CDK19: variants seen among roughly 807,000 people sequenced by gnomAD.
CDK19 encodes the protein cyclin dependent kinase 19, also known as cyclin-dependent kinase 19.
In CDK19, 20 loss-of-function variants were observed where a neutral mutation model predicts 68.3. The ratio of observed to expected loss-of-function variants is 0.29; its 90% CI spans 0.21 to 0.43. The LOEUF (loss-of-function observed/expected upper bound fraction) is 0.43. Ranked by LOEUF, CDK19 falls within the 20% of genes least tolerant of loss-of-function variation. The pLI, the probability that CDK19 is intolerant of heterozygous loss-of-function variation, is 1.00. For synonymous variants in CDK19, 221 were observed against 222.8 expected (o/e 0.99, Z 0.07); for missense variants, 339 against 623.5 (o/e 0.54, Z 4.86).
intron 2 of CDK19, chr6:110,700,862 C>T (rs1452217225): frequency 2.2e-5 from 4 of 178,042 alleles, no homozygotes; most frequent in Non-Finnish European, 4.9e-5. Context: ...CAGTGTTGCG[C>T]CAGGAATCGA....
In CDK19 at chr6:110,698,945, T is replaced by A. The variant is rs906361814; in HGVS notation, c.205-28404A>T. 2.9e-4 allele frequency among the ~76,000 whole-genome samples: 44 copies of A among 151,174 alleles called. 1 individual carries two copies. Among genetic ancestry groups the A allele is most frequent in the Admixed American group, 2.6e-3 (40 of 15,166 alleles). On this transcript the variant is annotated intron_variant, in intron 2 of 12. Coordinates refer to ENST00000368911, the MANE Select transcript of CDK19 (RefSeq NM_015076.5). ...AGGCATAGTGGCACATACCTGTATG[T>A]TAGGGGGTTGAGGTGGGAGGATTGC... is the stretch of plus-strand genomic sequence containing the variant.
At chr6:110,761,151 T>C (rs1057503986) in intron 1 of CDK19, among the ~76,000 whole-genome samples, 2 of 152,104 alleles carry the variant, frequency 1.3e-5, no homozygotes, top group Non-Finnish European at 2.9e-5. Flanking sequence ...TCTCATTTTG[T>C]TGCCCAGGCT....
intron 1 of CDK19, among the ~76,000 whole-genome samples, chr6:110,778,404 T>C (rs1475555751): frequency 6.6e-6 from 1 of 152,212 alleles, no homozygotes. Flanking sequence ...AGTCTTTTAA[T>C]TCAAAGGTTA....
intron 2 of CDK19, among the ~76,000 whole-genome samples, chr6:110,672,844 A>G (rs1044824022): frequency 6.6e-6 from 1 of 152,184 alleles, no homozygotes; most frequent in African/African-American, 2.4e-5. Context: ...AAAAAAATAA[A>G]AATAATATTT....
At chr6:110,742,461 T>C (rs982291941) in intron 2 of CDK19, among the ~76,000 whole-genome samples, 1 of 152,150 alleles carries the variant, frequency 6.6e-6, no homozygotes, top group African/African-American at 2.4e-5. Context: ...ATAACAGTGA[T>C]TTTCAGGGAA....
intron 4 of CDK19, chr6:110,643,423 T>C (rs1582757997): frequency 1.5e-5 from 4 of 272,598 alleles, no homozygotes; most frequent in South Asian, 1.0e-4. Flanking sequence ...CTGGAGATCA[T>C]CACATTAAAT....
chr6:110,773,343 CAAA>C (rs1038366551), intron 1 of CDK19, among the ~76,000 whole-genome samples: 3 of 86,126 alleles, frequency 3.5e-5, no homozygotes, highest in Non-Finnish European at 2.4e-5. Flanking sequence ...GACTCTGTCT[CAAA>C]AAAAAAAAAA....
intron 2 of CDK19, among the ~76,000 whole-genome samples, chr6:110,679,316 T>C (rs567115847): frequency 7.3e-6 from 1 of 137,090 alleles, no homozygotes; most frequent in African/African-American, 2.7e-5. Flanking sequence ...ACCCTGTCTC[T>C]AAAAAAAAAA....
Position 110,621,010 on chromosome 6 carries a change from G to T in CDK19, c.1377+94C>A. The stretch of plus-strand genomic sequence containing the variant: ...TAGAAACAGGATTGCACAGTCAAAT[G>T]TAAGAGTTAAGTGTTACTTAACTCT... On this transcript the variant is annotated intron_variant, in intron 12 of 12. Coordinates refer to ENST00000368911, the MANE Select transcript of CDK19 (RefSeq NM_015076.5). This position sits in a 1 kb window ranked among gnomAD's most constrained non-coding sequence, Gnocchi z 5.4. The T allele has an allele frequency of 8.4e-7, 1 of 1,184,226 alleles. No homozygotes were observed. Among genetic ancestry groups the T allele is most frequent in the Non-Finnish European group, 1.2e-6 (1 of 842,302 alleles). The allele number at this position is 1,184,226 out of a possible 1,614,324, so 73.4% of individuals were successfully genotyped here.
chr6:110,663,041 T>C (rs1193298011), intron 4 of CDK19, among the ~76,000 whole-genome samples: 1 of 152,206 alleles, frequency 6.6e-6, no homozygotes, highest in Non-Finnish European at 1.5e-5. Context: ...GTAATGCCTC[T>C]GTGTGTGATG....
chr6:110,633,129 G>T (rs149099227), intron 5 of CDK19, among the ~76,000 whole-genome samples: 6,715 of 152,184 alleles, frequency 0.044, 188 homozygotes, highest in South Asian at 0.083. Flanking sequence ...TGAGGCAGGA[G>T]AATCACTTGA....
chr6:110,780,217 CAAAA>C (rs779981592), intron 1 of CDK19, among the ~76,000 whole-genome samples: 1 of 115,512 alleles, frequency 8.7e-6, no homozygotes. Context: ...GACTCCATCT[CAAAA>C]AAAAAAAAAA....
At chr6:110,734,729 C>T (rs988329215) in intron 2 of CDK19, among the ~76,000 whole-genome samples, 1 of 152,074 alleles carries the variant, frequency 6.6e-6, no homozygotes, top group Non-Finnish European at 1.5e-5. Context: ...GCACACTGTG[C>T]TTAACTTTGT....
intron 2 of CDK19, among the ~76,000 whole-genome samples, chr6:110,691,984 A>G: frequency 6.6e-6 from 1 of 151,644 alleles, no homozygotes; most frequent in South Asian, 2.1e-4. Context: ...AGAAAAATCA[A>G]TCAGAACTTC....
chr6:110,622,023 A>G, intron 11 of CDK19, 65 bp downstream of exon 11: 1 of 859,918 alleles, frequency 1.2e-6, no homozygotes, highest in East Asian at 2.6e-5. Context: ...TTATGGAACG[A>G]TACCTAAACT....
intron 2 of CDK19, among the ~76,000 whole-genome samples, chr6:110,741,410 A>G (rs1345733021): frequency 6.6e-6 from 1 of 152,046 alleles, no homozygotes; most frequent in Non-Finnish European, 1.5e-5. Context: ...TGCAGCGAGC[A>G]TGATTATGCC....
chr6:110,787,514 A>G (rs1216002181), intron 1 of CDK19, among the ~76,000 whole-genome samples: 1 of 149,794 alleles, frequency 6.7e-6, no homozygotes, highest in Non-Finnish European at 1.5e-5. Flanking sequence ...TGGAACAATC[A>G]CAGCTCACTG....
At chr6:110,637,265 A>G (rs1245945974) in intron 5 of CDK19, among the ~76,000 whole-genome samples, 1 of 152,240 alleles carries the variant, frequency 6.6e-6, no homozygotes, top group African/African-American at 2.4e-5. Context: ...GTAGGCACTC[A>G]ATAAATGCCT....
chr6:110,621,396 G>C lies in CDK19; in HGVS notation c.1111-26C>G. On this transcript the variant is annotated intron_variant, in intron 11 of 12. Transcript: ENST00000368911. The surrounding 1 kb of genome is among the most constrained non-coding windows in gnomAD (Gnocchi z 5.4). ...CTTTTAAGGGGAAAAAAGCAAGCTT[G>C]GTATGAAACCAAATTAACAGGAGCT... 1 of 1,520,232 alleles carries C rather than the reference G, an allele frequency of 6.6e-7. No homozygotes were observed. Among genetic ancestry groups the C allele is most frequent in the Non-Finnish European group, 8.8e-7 (1 of 1,136,690 alleles). 94.2% of individuals were successfully genotyped at this position (1,520,232 alleles called of 1,614,324 possible). A position where few individuals can be genotyped will look rare whatever the true frequency, so the allele number is the denominator to read the frequency against.
Sources: gnomAD v4.1 joint callset for allele counts (sites outside exome capture counted in the v4.1 genomes callset) on GRCh38, gnomAD v4.1.1 for gene constraint, Gnocchi (gnomAD v3.1) non-coding constraint, MANE v1.5 for transcripts, NCBI Gene and HGNC (gene_info 2026-07-23, HGNC 2026-07-21) for gene names.